GSN: variants seen among roughly 807,000 people sequenced by gnomAD.
GSN encodes actin-depolymerizing factor.
Under a neutral mutation model 85.7 loss-of-function variants are expected in GSN, and 56 were observed. The observed-to-expected ratio is 0.65, with a 90% CI of 0.53 to 0.82. The LOEUF is 0.82. Among genes scored for constraint, GSN ranks in the 40% least tolerant of loss-of-function variants. The pLI, the probability that GSN is intolerant of heterozygous loss-of-function variation, is 0.00. For synonymous variants in GSN, 373 were observed against 399.1 expected (o/e 0.93, Z 0.78); for missense variants, 857 against 979.8 (o/e 0.87, Z 1.67).
chr9:121,274,743 C>T (rs1004339685), intron 1 of GSN, among the ~76,000 whole-genome samples: 15 of 152,150 alleles, frequency 9.9e-5, no homozygotes, highest in Non-Finnish European at 1.5e-4. Context: ...TCTTGCTAAA[C>T]CGACCTAACA....
upstream of GSN, among the ~76,000 whole-genome samples, chr9:121,264,018 G>C (rs1564365403): frequency 6.6e-6 from 1 of 152,082 alleles, no homozygotes; most frequent in Non-Finnish European, 1.5e-5. Context: ...TGGGGATTAT[G>C]GGGATTACAA....
chr9:121,312,412 T>G lies in GSN; in HGVS notation c.587T>G (p.Ile196Ser). Residue 196 changes from isoleucine to serine, a missense_variant, in exon 6 of 18, where the codon ATC becomes AGC. Transcript: ENST00000432226. ...AAGGCCACACAGGTGTCCAAGGGCATCCGGGACAACGAGCGGAGTGGCCGG... is the reference window on the plus strand; with the variant it reads ...AAGGCCACACAGGTGTCCAAGGGCAGCCGGGACAACGAGCGGAGTGGCCGG... ...RLKATQVSKGIRDNERSGRAR... is the reference protein window; with the variant it reads ...RLKATQVSKGSRDNERSGRAR... 6.2e-7 allele frequency: 1 copy of G among 1,613,980 alleles called. No individual in the cohort carries two copies. The highest frequency in any genetic ancestry group is 8.5e-7 in the Non-Finnish European group (1 of 1,179,860).
chr9:121,285,865 C>T (rs1588738972), intron 2 of GSN, among the ~76,000 whole-genome samples: 1 of 152,200 alleles, frequency 6.6e-6, no homozygotes, highest in African/African-American at 2.4e-5. Flanking sequence ...AAGCATACCC[C>T]CACTAATCAG....
intron 5 of GSN, among the ~76,000 whole-genome samples, chr9:121,245,103 G>A (rs541608220): frequency 3.0e-4 from 45 of 152,218 alleles, no homozygotes; most frequent in Middle Eastern, 3.4e-3. Context: ...AGTTGATGAC[G>A]TAACCACACA....
At chr9:121,282,234 C>T (rs1451640836) in intron 2 of GSN, 1 of 583,516 alleles carries the variant, frequency 1.7e-6, no homozygotes, top group Non-Finnish European at 3.1e-6. Context: ...TTGGTCTCCC[C>T]CTACCCACCT....
chr9:121,310,082 AAAG>A (rs1179361552), intron 4 of GSN: 2 of 153,050 alleles, frequency 1.3e-5, no homozygotes, highest in African/African-American at 4.8e-5. Context: ...AGGAAAGAAA[AAAG>A]AAAGAGGGAA....
intron 2 of GSN, among the ~76,000 whole-genome samples, chr9:121,294,750 AC>A (rs902845464): frequency 1.3e-5 from 2 of 152,078 alleles, no homozygotes; most frequent in African/African-American, 4.8e-5. Context: ...TTGTTGAGAG[AC>A]CTGAGTTCTA....
intron 4 of GSN, among the ~76,000 whole-genome samples, chr9:121,224,013 A>G (rs1247959996): frequency 7.0e-6 from 1 of 143,196 alleles, no homozygotes; most frequent in Non-Finnish European, 1.6e-5. Context: ...TTTGCCAATA[A>G]TAAGTAATAT....
Position 121,303,032 on chromosome 9 carries a change from C to T in GSN, c.318C>T (p.Phe106=). 1 of 1,613,890 alleles carries T rather than the reference C, an allele frequency of 6.2e-7. No homozygotes were observed. The highest frequency in any genetic ancestry group is 8.5e-7 in the Non-Finnish European group (1 of 1,180,020). ...REVQGFESAT[F]LGYFKSGLKY... ...TCCAGGGCTTCGAGTCGGCCACCTT[C>T]CTAGGCTACTTCAAGTCTGGCCTGA... The change falls in exon 4 of 18, where the codon TTC becomes TTT. Residue 106 remains phenylalanine, a synonymous_variant. Coordinates refer to ENST00000432226, the MANE Select transcript of GSN (RefSeq NM_198252.3).
chr9:121,239,339 C>A, intron 5 of GSN: 1 of 439,826 alleles, frequency 2.3e-6, no homozygotes, highest in Non-Finnish European at 4.4e-6. Context: ...ATAGTTGGGT[C>A]ATTAGCCAAG....
At position 121,327,495 on chromosome 9, in the gene GSN, G is replaced by T. The variant is rs779958609; in HGVS notation, c.1762+13G>T. 3.2e-6 allele frequency: 5 copies of T among 1,552,668 alleles called. No homozygotes were observed. Among genetic ancestry groups the T allele is most frequent in the Non-Finnish European group, 3.5e-6 (4 of 1,147,366 alleles). On this transcript the variant is annotated intron_variant, in intron 14 of 17. Coordinates refer to ENST00000432226, the MANE Select transcript of GSN (RefSeq NM_198252.3). ...GGCAGCGAGCCAGGTAGGAGCCGGGGTGGGGGGCCTGCTGCTGTCCGGATG... is the reference window on the plus strand; with the variant it reads ...GGCAGCGAGCCAGGTAGGAGCCGGGTTGGGGGGCCTGCTGCTGTCCGGATG...
intron 4 of GSN, among the ~76,000 whole-genome samples, chr9:121,307,631 C>G (rs992255369): frequency 1.3e-5 from 2 of 152,204 alleles, no homozygotes; most frequent in Non-Finnish European, 2.9e-5. Flanking sequence ...ATTAATAGTT[C>G]CTGCATCAGG....
rs1023793603 is a variant in GSN at position 121,317,322 on chromosome 9, G to A, written c.886+104G>A. 7 of 1,259,696 alleles carry A rather than the reference G, an allele frequency of 5.6e-6. No homozygotes were observed. The African/African-American group carries it at 1.0e-4, about 18-fold the overall frequency. The allele number at this position is 1,259,696 out of a possible 1,614,324, so 78.0% of individuals were successfully genotyped here. ...TCCCGGGGAGTGTGGAGTGTGCCTG[G>A]TGCAATGGAAATCAGAAGTCTTGGG... On this transcript the variant is annotated intron_variant, in intron 8 of 17. Transcript: ENST00000432226.
At chr9:121,219,997 T>G (rs1338803782) in intron 4 of GSN, among the ~76,000 whole-genome samples, 2 of 152,200 alleles carry the variant, frequency 1.3e-5, no homozygotes, top group Non-Finnish European at 2.9e-5. Context: ...TTCTCCTGCC[T>G]CAGCTTCCCG....
At chr9:121,205,541 G>A (rs899859925), upstream of GSN, among the ~76,000 whole-genome samples, 3 of 152,206 alleles carry the variant, frequency 2.0e-5, no homozygotes, top group African/African-American at 7.2e-5. Flanking sequence ...CTTAGATGAA[G>A]AGGGGCTGAA....
chr9:121,321,866 C>G (rs1480891312), intron 11 of GSN, among the ~76,000 whole-genome samples: 1 of 151,958 alleles, frequency 6.6e-6, no homozygotes, highest in East Asian at 1.9e-4. Context: ...CTCAGCCTCT[C>G]TAGTAGCTGG....
At chr9:121,312,576 A>C in intron 6 of GSN, 88 bp downstream of exon 6, 3 of 964,424 alleles carry the variant, frequency 3.1e-6, no homozygotes, top group Non-Finnish European at 4.4e-6. Context: ...GGTGAATTTG[A>C]GGAAAAAAAA....
rs561968701 is a variant in GSN at position 121,274,494 on chromosome 9, A to G, written c.-103+6275A>G. Among the ~76,000 whole-genome samples, 6 of 151,832 alleles carry G rather than the reference A, an allele frequency of 4.0e-5. 1 individual carries two copies. The East Asian group carries it at 5.8e-4, about 15-fold the overall frequency. ...TTCCTGAGTCAAAATGACACATTTT[A>G]TAGCTTTTTCTTGTTAAAAAAAAAA... On this transcript the variant is annotated intron_variant, in intron 1 of 17. Transcript: ENST00000432226.
intron 7 of GSN, 143 bp from the exon 8 acceptor site, chr9:121,316,943 A>G: frequency 1.0e-6 from 1 of 1,003,334 alleles, no homozygotes; most frequent in Non-Finnish European, 1.5e-6. Context: ...AACGAAAAAG[A>G]ACCTCTAAAT....
Sources: gnomAD v4.1 joint callset for allele counts (sites outside exome capture counted in the v4.1 genomes callset) on GRCh38, gnomAD v4.1.1 for gene constraint, MANE v1.5 for transcripts, NCBI Gene and HGNC (gene_info 2026-07-23, HGNC 2026-07-21) for gene names.